The following GRID1 variants were observed in gnomAD, a reference collection of about 807,000 sequenced individuals.
GRID1 encodes glutamate ionotropic receptor delta type subunit 1.
In GRID1, 28 loss-of-function variants were observed where a neutral mutation model predicts 98.0. That is an observed-to-expected ratio of 0.29 (90% CI 0.21 to 0.39). GRID1 has a LOEUF of 0.39. GRID1 is among the 10% of genes least tolerant of loss of function. GRID1 has a pLI of 1.00. For missense variants in GRID1, 1,111 were observed against 1,340.5 expected (o/e 0.83, Z 2.67); for synonymous variants, 553 against 538.5 (o/e 1.03, Z -0.37).
chr10:86,104,098 A>T (rs1844342887), intron 4 of GRID1, among the ~76,000 whole-genome samples: 1 of 152,200 alleles, frequency 6.6e-6, no homozygotes, highest in Non-Finnish European at 1.5e-5. Flanking sequence ...TAGGTGCCTT[A>T]TCCCACGGGG....
chr10:85,755,755 C>T (rs2132691799), intron 8 of GRID1, among the ~76,000 whole-genome samples: 1 of 152,190 alleles, frequency 6.6e-6, no homozygotes, highest in Middle Eastern at 3.4e-3. Flanking sequence ...ACACCCTTGC[C>T]CAAGAACCCC....
At chr10:86,127,240 C>T (rs944788301) in intron 4 of GRID1, among the ~76,000 whole-genome samples, 1 of 152,218 alleles carries the variant, frequency 6.6e-6, no homozygotes, top group Non-Finnish European at 1.5e-5. Context: ...GAGACCATGT[C>T]TTTCTCCCCC....
intron 5 of GRID1, among the ~76,000 whole-genome samples, chr10:85,915,241 C>G (rs1268733949): frequency 6.6e-6 from 1 of 152,018 alleles, no homozygotes; most frequent in Non-Finnish European, 1.5e-5. Flanking sequence ...CACACATGCA[C>G]ATACAACCCA....
intron 12 of GRID1, among the ~76,000 whole-genome samples, chr10:85,701,424 C>T (rs1006204616): frequency 2.0e-5 from 3 of 152,060 alleles, no homozygotes; most frequent in Non-Finnish European, 4.4e-5. Flanking sequence ...GTTTCTCTTA[C>T]TGTTGTTGAG....
At chr10:86,041,920 A>G (rs533952888) in intron 4 of GRID1, among the ~76,000 whole-genome samples, 1 of 152,134 alleles carries the variant, frequency 6.6e-6, no homozygotes, top group South Asian at 2.1e-4. Flanking sequence ...GCTACTGAGG[A>G]CCCTGTCAGG....
chr10:85,951,318 C>T (rs1046078988), intron 4 of GRID1, among the ~76,000 whole-genome samples: 5 of 152,188 alleles, frequency 3.3e-5, no homozygotes. Flanking sequence ...AATAAAAGGA[C>T]AAGCAGCACC....
chr10:85,881,941 A>G (rs1438574190), intron 5 of GRID1, among the ~76,000 whole-genome samples: 1 of 152,046 alleles, frequency 6.6e-6, no homozygotes, highest in African/African-American at 2.4e-5. Flanking sequence ...AAAACAAACA[A>G]CCCCATCAAA....
At chr10:85,940,479 C>A (rs1243693739) in intron 4 of GRID1, among the ~76,000 whole-genome samples, 3 of 152,156 alleles carry the variant, frequency 2.0e-5, no homozygotes, top group Non-Finnish European at 2.9e-5. Flanking sequence ...ATGCAGATTC[C>A]AGGGTGCACA....
At chr10:85,877,338 C>A (rs1006414612) in intron 5 of GRID1, among the ~76,000 whole-genome samples, 1 of 152,252 alleles carries the variant, frequency 6.6e-6, no homozygotes, top group Non-Finnish European at 1.5e-5. Flanking sequence ...AGCAGCCTAA[C>A]TGGGAGGCAC....
At chr10:86,309,337 A>C (rs1847801713) in intron 2 of GRID1, among the ~76,000 whole-genome samples, 1 of 152,164 alleles carries the variant, frequency 6.6e-6, no homozygotes, top group Non-Finnish European at 1.5e-5. Context: ...TAATTAACAA[A>C]ACCATAGTAG....
intron 4 of GRID1, among the ~76,000 whole-genome samples, chr10:86,069,991 T>C (rs1234092240): frequency 6.6e-6 from 1 of 152,080 alleles, no homozygotes; most frequent in Non-Finnish European, 1.5e-5. Context: ...GGTCGTGATA[T>C]GGTGCCTGTA....
chr10:86,299,331 CTT>C (rs58039910), intron 2 of GRID1, among the ~76,000 whole-genome samples: 1 of 145,288 alleles, frequency 6.9e-6, no homozygotes. Flanking sequence ...TTCTCTATTT[CTT>C]TTTTTTTTTT....
chr10:85,988,615 C>G (rs1842640777), intron 4 of GRID1, among the ~76,000 whole-genome samples: 1 of 152,160 alleles, frequency 6.6e-6, no homozygotes, highest in Non-Finnish European at 1.5e-5. Flanking sequence ...AGGGGATGAA[C>G]AGCTCAAGCA....
At chr10:85,687,036 T>G (rs1288515203) in intron 12 of GRID1, among the ~76,000 whole-genome samples, 1 of 152,212 alleles carries the variant, frequency 6.6e-6, no homozygotes, top group African/African-American at 2.4e-5. Flanking sequence ...TGTTTATGTG[T>G]ATAATAATCT....
At chr10:86,131,651 C>T (rs952324832) in intron 4 of GRID1, among the ~76,000 whole-genome samples, 1 of 152,170 alleles carries the variant, frequency 6.6e-6, no homozygotes, top group African/African-American at 2.4e-5. Flanking sequence ...CAACAGCCAA[C>T]CAGAAAATAA....
intron 5 of GRID1, among the ~76,000 whole-genome samples, chr10:85,895,016 A>AATATATATAT (rs67350023): frequency 1.4e-3 from 136 of 97,080 alleles, no homozygotes; most frequent in Non-Finnish European, 2.4e-3. Context: ...AAAAAAAAAA[A>AATATATATAT]ATATATATAT....
At chr10:86,222,464 G>A (rs1339085789) in intron 2 of GRID1, among the ~76,000 whole-genome samples, 5 of 152,158 alleles carry the variant, frequency 3.3e-5, no homozygotes, top group African/African-American at 9.7e-5. Flanking sequence ...GAGGAAAAGC[G>A]GGGCCTTCAC....
At chr10:86,355,072 G>C (rs6586007) in intron 2 of GRID1, among the ~76,000 whole-genome samples, 146,157 of 152,330 alleles carry the variant, frequency 0.96, 70,244 homozygotes, top group East Asian at 1. Context: ...AGATCACAGC[G>C]ACCTCCACCT....
At chr10:86,174,803 C>A (rs1845550550) in intron 3 of GRID1, among the ~76,000 whole-genome samples, 3 of 151,828 alleles carry the variant, frequency 2.0e-5, no homozygotes, top group South Asian at 2.1e-4. Context: ...AAGAAAAAAA[C>A]AAACAACCCC....
Sources: allele counts gnomAD v4.1 joint callset (sites outside exome capture counted in the v4.1 genomes callset), GRCh38; gene constraint gnomAD v4.1.1; transcripts MANE v1.5; gene names NCBI Gene and HGNC (gene_info 2026-07-23, HGNC 2026-07-21).